Variants in DCUN1D2 observed in about 807,000 individuals in gnomAD.
DCUN1D2 encodes DCN1-like protein 2.
DCUN1D2 carries 29 observed loss-of-function variants against 30.9 expected under a neutral mutation model. That is an observed-to-expected ratio of 0.94 (90% CI 0.70 to 1.28). The LOEUF is 1.28. Ranked by LOEUF, DCUN1D2 falls within the 50% of genes most tolerant of loss-of-function variation. The pLI is 0.00. For missense variants in DCUN1D2, 325 were observed against 316.9 expected (o/e 1.03, Z -0.19); for synonymous variants, 121 against 115.3 (o/e 1.05, Z -0.32).
At chr13:113,489,826 C>T (rs1004979605) in intron 1 of DCUN1D2, among the ~76,000 whole-genome samples, 1 of 152,086 alleles carries the variant, frequency 6.6e-6, no homozygotes, top group African/African-American at 2.4e-5. Context: ...CAGCATCTGA[C>T]ACCACTCCCA....
rs753135982 is a variant in DCUN1D2, at chr13:113,459,392, G to T, written c.620C>A (p.Ser207Ter). ...NTFLMEHHKR[S>*]IPRDTWNLLL... ...GAGGTTCCAGGTGTCCCTTGGAATTGATCTTTTGTGATGTTCCTAATATAT... is the reference window on the plus strand; with the variant it reads ...GAGGTTCCAGGTGTCCCTTGGAATTTATCTTTTGTGATGTTCCTAATATAT... Residue 207 changes from serine (S) to a stop codon, truncating the protein, a stop_gained, in exon 6 of 7, where the codon TCA (serine) becomes TAA (stop). Transcript: ENST00000478244. LOFTEE classifies it high-confidence loss of function. The T allele has an allele frequency of 2.6e-6, 4 of 1,559,540 alleles. No individual in the cohort carries two copies. Among genetic ancestry groups the T allele is most frequent in the South Asian group, 1.1e-5 (1 of 89,912 alleles).
intron 4 of DCUN1D2, among the ~76,000 whole-genome samples, chr13:113,471,611 G>T (rs1355354746): frequency 6.6e-6 from 1 of 152,182 alleles, no homozygotes; most frequent in Non-Finnish European, 1.5e-5. Context: ...TAAAATTACT[G>T]GGCTTCAAAG....
chr13:113,487,556 C>T lies in DCUN1D2; in HGVS notation c.3+3111G>A, dbSNP rs1022539538. On this transcript the variant is annotated intron_variant, in intron 1 of 6. Transcript: ENST00000478244. ...TGCACGAGTCCAGCCACACGGTGCA[C>T]GACTCCAGCCGCACAGTGCATGAGT... Among the ~76,000 whole-genome samples, 6 of 152,152 alleles carry T rather than the reference C, an allele frequency of 3.9e-5. No individual in the cohort carries two copies. In the South Asian group the frequency reaches 1.0e-3, roughly 26 times the overall value.
chr13:113,458,051 C>T lies in DCUN1D2; in HGVS notation c.758G>A (p.Gly253Asp). The T allele has an allele frequency of 6.2e-7, 1 of 1,614,204 alleles. No individual in the cohort carries two copies. The highest frequency in any genetic ancestry group is 8.5e-7 in the Non-Finnish European group (1 of 1,180,032). ...FVEYARPVVT[G>D]GKRSLF ...TGCCTAGAAAAGGCTGCGTTTTCCA[C>T]CTGTGACTACTGGCCGTGCATATTC... The change falls in exon 7 of 7, where the codon GGT (glycine) becomes GAT (aspartate). Residue 253 changes from glycine to aspartate, a missense_variant. By Grantham distance (94) the Gly-to-Asp change is moderately conservative. Coordinates refer to ENST00000478244, the MANE Select transcript of DCUN1D2 (RefSeq NM_001014283.2).
chr13:113,475,186 C>T (rs944567268), intron 3 of DCUN1D2, among the ~76,000 whole-genome samples: 3 of 152,156 alleles, frequency 2.0e-5, no homozygotes, highest in Non-Finnish European at 2.9e-5. Flanking sequence ...CAGTCCTGCG[C>T]GCAGTCACGG....
At position 113,474,148 on chromosome 13, in the gene DCUN1D2, T is replaced by C. The variant is rs1367371159; in HGVS notation, c.496A>G (p.Lys166Glu). ...DFYQFTFTFA[K>E]NPGQKGLDLE... ...CCTAAACCTTTCTGCCCTGGGTTCT[T>C]AGCGAAGGTGAAGGTAAACTGATAA... Residue 166 changes from lysine (K) to glutamate (E), a missense_variant, in exon 4 of 7, where the codon AAG (lysine) becomes GAG (glutamate). Physicochemically the swap from Lys to Glu is moderately conservative, Grantham distance 56. Transcript: ENST00000478244. 1.2e-6 allele frequency: 2 copies of C among 1,614,162 alleles called. No homozygotes were observed. Among genetic ancestry groups the C allele is most frequent in the Non-Finnish European group, 1.7e-6 (2 of 1,179,970 alleles).
chr13:113,458,360 C>T (rs534947642), intron 6 of DCUN1D2, among the ~76,000 whole-genome samples: 50 of 152,324 alleles, frequency 3.3e-4, no homozygotes, highest in South Asian at 1.9e-3. Context: ...CCCGGATGCT[C>T]GGTGAGTGCC....
intron 4 of DCUN1D2, among the ~76,000 whole-genome samples, chr13:113,466,308 T>G (rs537749518): frequency 6.6e-6 from 1 of 152,258 alleles, no homozygotes; most frequent in South Asian, 2.1e-4. Flanking sequence ...TAGAAAGAAA[T>G]AGAGTGGAAT....
At chr13:113,474,103 G>A (rs532931696) in intron 4 of DCUN1D2, 21 bp downstream of exon 4, 24 of 1,603,490 alleles carry the variant, frequency 1.5e-5, no homozygotes, top group African/African-American at 6.7e-5. Flanking sequence ...GGCATTTTAC[G>A]TATTTGGATT....
Position 113,490,375 on chromosome 13 carries a change from GC to G in DCUN1D2, c.3+291del. 3.4e-6 allele frequency: 1 copy of G among 298,206 alleles called. No homozygotes were observed. The highest frequency in any genetic ancestry group is 6.2e-6 in the Non-Finnish European group (1 of 162,024). 18.5% of individuals were successfully genotyped at this position (298,206 alleles called of 1,614,324 possible). On this transcript the variant is annotated intron_variant, in intron 1 of 6. Transcript: ENST00000478244. The surrounding 1 kb of genome is among the most constrained non-coding windows in gnomAD (Gnocchi z 5.2). ...AGCCCCCGGCCTGGGTTCCCGCTCG[GC>G]CCCGGCCCCTGCCCCAAGGCCCCTA...
intron 3 of DCUN1D2, among the ~76,000 whole-genome samples, chr13:113,479,346 G>T (rs1242175092): frequency 6.6e-6 from 1 of 152,108 alleles, no homozygotes; most frequent in Non-Finnish European, 1.5e-5. Context: ...TGCCTTCTTG[G>T]TGAGATAAGC....
intron 1 of DCUN1D2, among the ~76,000 whole-genome samples, chr13:113,489,753 C>T (rs2044894181): frequency 6.6e-6 from 1 of 152,180 alleles, no homozygotes. Flanking sequence ...CTGGCTGCCC[C>T]GGAACCTCAC....
At chr13:113,480,552 T>A in intron 3 of DCUN1D2, 23 bp downstream of exon 3, 1 of 1,612,152 alleles carries the variant, frequency 6.2e-7, no homozygotes. Flanking sequence ...TGAAAACATT[T>A]AAGCTAAGAA....
At chr13:113,484,539 C>CA (rs1295250467) in intron 1 of DCUN1D2, among the ~76,000 whole-genome samples, 1 of 151,978 alleles carries the variant, frequency 6.6e-6, no homozygotes, top group Non-Finnish European at 1.5e-5. Context: ...AAAATGTACA[C>CA]AAATAACTAA....
intron 4 of DCUN1D2, among the ~76,000 whole-genome samples, chr13:113,467,561 T>C (rs2044426713): frequency 6.6e-6 from 1 of 152,048 alleles, no homozygotes; most frequent in Non-Finnish European, 1.5e-5. Context: ...AAGAGCAGTC[T>C]TGGGTACATC....
intron 3 of DCUN1D2, 70 bp downstream of exon 3, chr13:113,480,505 G>C: frequency 1.3e-6 from 2 of 1,551,236 alleles, no homozygotes; most frequent in Non-Finnish European, 1.8e-6. Context: ...AGTATGTACA[G>C]GTTGCTGAAA....
In DCUN1D2 at chr13:113,488,621, A is replaced by G. The variant is rs1221524894; in HGVS notation, c.3+2046T>C. 6.6e-6 allele frequency among the ~76,000 whole-genome samples: 1 copy of G among 152,220 alleles called. No individual in the cohort carries two copies. Among genetic ancestry groups the G allele is most frequent in the Non-Finnish European group, 1.5e-5 (1 of 68,048 alleles). The stretch of plus-strand genomic sequence containing the variant: ...AGATCAAATTTACAAAGGCCCAGAC[A>G]TTGGCAGTAAGCTTTGAGTGCACCA... On this transcript the variant is annotated intron_variant, in intron 1 of 6. Transcript: ENST00000478244. This position sits in a 1 kb window ranked among gnomAD's most constrained non-coding sequence, Gnocchi z 4.3.
At chr13:113,468,112 T>C (rs1047158602) in intron 4 of DCUN1D2, among the ~76,000 whole-genome samples, 3 of 150,030 alleles carry the variant, frequency 2.0e-5, no homozygotes, top group African/African-American at 7.4e-5. Context: ...CCCATGTTCA[T>C]AGCAGTGTTA....
At chr13:113,485,002 T>TGGGAGGTGGAGATTGCA (rs2044776149) in intron 1 of DCUN1D2, among the ~76,000 whole-genome samples, 2 of 152,012 alleles carry the variant, frequency 1.3e-5, no homozygotes, top group Admixed American at 1.3e-4. Flanking sequence ...CACTTGAACC[T>TGGGAGGTGGAGATTGCA]GGGAGGTGGA....
Sources: gnomAD v4.1 joint callset for allele counts (sites outside exome capture counted in the v4.1 genomes callset) on GRCh38, gnomAD v4.1.1 for gene constraint, Gnocchi (gnomAD v3.1) non-coding constraint, MANE v1.5 for transcripts, NCBI Gene and HGNC (gene_info 2026-07-23, HGNC 2026-07-21) for gene names.